BACH2: variants seen among roughly 807,000 people sequenced by gnomAD.
BACH2 encodes BACH transcriptional regulator 2, also known as transcription regulator protein BACH2.
A neutral mutation model predicts 61.8 loss-of-function variants in BACH2; 5 were observed. That is an observed-to-expected ratio of 0.08 (90% CI 0.04 to 0.17). The LOEUF is 0.17. Among genes scored for constraint, BACH2 ranks in the 10% least tolerant of loss-of-function variants. The probability of loss-of-function intolerance (pLI) is 1.00; values close to 1 mark genes in which losing one functional copy is unlikely to be tolerated. For missense variants in BACH2, 824 were observed against 1,091.1 expected (o/e 0.76, Z 3.45); for synonymous variants, 446 against 440.1 (o/e 1.01, Z -0.17).
At chr6:90,245,114 G>A (rs761067309) in intron 3 of BACH2, among the ~76,000 whole-genome samples, 2 of 151,778 alleles carry the variant, frequency 1.3e-5, no homozygotes, top group Non-Finnish European at 1.5e-5. Context: ...GGAGAATATC[G>A]CTTGAACCTG....
chr6:90,078,167 T>C (rs1039664230), intron 5 of BACH2, among the ~76,000 whole-genome samples: 3 of 152,208 alleles, frequency 2.0e-5, no homozygotes, highest in Non-Finnish European at 2.9e-5. Flanking sequence ...TACACCACCA[T>C]GGAAGCTATT....
At chr6:90,024,797 G>C (rs1439249089) in intron 5 of BACH2, among the ~76,000 whole-genome samples, 1 of 152,154 alleles carries the variant, frequency 6.6e-6, no homozygotes, top group African/African-American at 2.4e-5. Context: ...CTTATAAACA[G>C]AGTCAACCCA....
At chr6:90,199,370 A>C (rs1297752084) in intron 4 of BACH2, among the ~76,000 whole-genome samples, 1 of 152,244 alleles carries the variant, frequency 6.6e-6, no homozygotes, top group African/African-American at 2.4e-5. Context: ...TAACTTAGGA[A>C]GCAATCCTCT....
intron 4 of BACH2, among the ~76,000 whole-genome samples, chr6:90,167,199 T>C (rs1043426265): frequency 1.3e-5 from 2 of 152,210 alleles, no homozygotes; most frequent in South Asian, 4.2e-4. Flanking sequence ...CTCACAGAGG[T>C]AGAGTGAAGC....
At chr6:90,268,004 T>G (rs1445111836) in intron 2 of BACH2, among the ~76,000 whole-genome samples, 1 of 130,956 alleles carries the variant, frequency 7.6e-6, no homozygotes, top group Non-Finnish European at 1.8e-5. Context: ...TGCACTTGCC[T>G]TTTTTGTTTT....
chr6:89,996,306 C>G (rs1468177672), intron 6 of BACH2, among the ~76,000 whole-genome samples: 1 of 152,230 alleles, frequency 6.6e-6, no homozygotes, highest in Non-Finnish European at 1.5e-5. Context: ...CAGGCTGTGT[C>G]TCCTGACTGT....
At chr6:90,261,088 T>C (rs1378159587) in intron 2 of BACH2, among the ~76,000 whole-genome samples, 2 of 152,204 alleles carry the variant, frequency 1.3e-5, no homozygotes, top group Non-Finnish European at 2.9e-5. Flanking sequence ...GCTGTAGATC[T>C]AAGCACTTAT....
At chr6:89,964,634 C>T (rs1202777032) in intron 6 of BACH2, among the ~76,000 whole-genome samples, 1 of 152,136 alleles carries the variant, frequency 6.6e-6, no homozygotes, top group Non-Finnish European at 1.5e-5. Flanking sequence ...CTTCTACTTT[C>T]TGGAAGGTGG....
chr6:89,954,155 C>T lies in BACH2; in HGVS notation c.244-2293G>A, dbSNP rs566481667. On this transcript the variant is annotated intron_variant, in intron 6 of 8. Coordinates refer to ENST00000257749, the MANE Select transcript of BACH2 (RefSeq NM_021813.4). ...TCAATGCAGAGTTGACCCCTGCCCT[C>T]GTAATGATCCTATGCTCCTCTGTAA... is the stretch of plus-strand genomic sequence containing the variant. Among the ~76,000 whole-genome samples the T allele has an allele frequency of 2.0e-5, 3 of 152,176 alleles. No individual in the cohort carries two copies. In the South Asian group the frequency reaches 6.2e-4, roughly 32 times the overall value.
chr6:90,133,753 C>T (rs1390804769), intron 4 of BACH2, among the ~76,000 whole-genome samples: 4 of 152,078 alleles, frequency 2.6e-5, no homozygotes, highest in Non-Finnish European at 5.9e-5. Context: ...CAAGTGTTCT[C>T]ATTGTTCAAT....
intron 6 of BACH2, among the ~76,000 whole-genome samples, chr6:89,980,909 T>C (rs1445117549): frequency 6.6e-6 from 1 of 152,194 alleles, no homozygotes; most frequent in African/African-American, 2.4e-5. Context: ...TCAGTTTTTT[T>C]TTTTTTAACC....
At chr6:90,004,038 G>C (rs1407926120) in intron 6 of BACH2, among the ~76,000 whole-genome samples, 2 of 152,336 alleles carry the variant, frequency 1.3e-5, no homozygotes, top group East Asian at 3.9e-4. Flanking sequence ...AGATAATCAT[G>C]ACTGTCTTAT....
At chr6:90,132,993 A>C (rs1784128370) in intron 4 of BACH2, among the ~76,000 whole-genome samples, 1 of 152,246 alleles carries the variant, frequency 6.6e-6, no homozygotes, top group Non-Finnish European at 1.5e-5. Flanking sequence ...CGTGCAGCCC[A>C]GATCTGGATC....
Position 90,296,495 on chromosome 6 carries a change from T to C in BACH2, c.-461A>G, listed in dbSNP as rs2127898145. The C allele has an allele frequency of 6.6e-6, 1 of 151,362 alleles. No homozygotes were observed. The highest frequency in any genetic ancestry group is 1.5e-5 in the Non-Finnish European group (1 of 67,708). 9.4% of individuals were successfully genotyped at this position (151,362 alleles called of 1,614,324 possible). A position where few individuals can be genotyped will look rare whatever the true frequency, so the allele number is the denominator to read the frequency against. On this transcript the variant is annotated 5_prime_UTR_variant, in exon 1 of 9. Transcript: ENST00000257749. ...CGGGACTCACCTCGCCGGAGAACTT[T>C]GCGTCCTTTTCCGCCTCCTCTTCCC...
intron 1 of BACH2, among the ~76,000 whole-genome samples, chr6:90,292,217 G>A (rs1477831183): frequency 1.3e-5 from 2 of 152,172 alleles, no homozygotes; most frequent in East Asian, 3.8e-4. Flanking sequence ...CATGAGATTA[G>A]TTCTTCCAAC....
intron 5 of BACH2, among the ~76,000 whole-genome samples, chr6:90,020,778 T>C (rs1778328240): frequency 6.6e-6 from 1 of 152,020 alleles, no homozygotes; most frequent in Non-Finnish European, 1.5e-5. Flanking sequence ...TTAAACAACA[T>C]TCCCCTCCGC....
intron 5 of BACH2, among the ~76,000 whole-genome samples, chr6:90,069,446 T>A (rs1781120665): frequency 6.6e-6 from 1 of 152,358 alleles, no homozygotes; most frequent in South Asian, 2.1e-4. Context: ...AGCAATTTGC[T>A]ATGTCTGAGT....
intron 2 of BACH2, among the ~76,000 whole-genome samples, chr6:90,262,011 G>A (rs911204225): frequency 2.6e-5 from 4 of 152,154 alleles, no homozygotes; most frequent in Admixed American, 2.0e-4. Flanking sequence ...AGTGCTGCAA[G>A]AGAATATTTC....
At chr6:90,166,367 A>G (rs1427805214) in intron 4 of BACH2, among the ~76,000 whole-genome samples, 1 of 152,176 alleles carries the variant, frequency 6.6e-6, no homozygotes, top group African/African-American at 2.4e-5. Flanking sequence ...ACCATCTCAC[A>G]CCAGTTAGAA....
Sources: gnomAD v4.1 joint callset for allele counts (sites outside exome capture counted in the v4.1 genomes callset) on GRCh38, gnomAD v4.1.1 for gene constraint, MANE v1.5 for transcripts, NCBI Gene and HGNC (gene_info 2026-07-23, HGNC 2026-07-21) for gene names.